BAIAP2L1: variants seen among roughly 807,000 people sequenced by gnomAD.
The protein encoded by BAIAP2L1 is BAR/IMD domain containing adaptor protein 2 like 1, also known as BAR/IMD domain-containing adapter protein 2-like 1.
BAIAP2L1 carries 35 observed loss-of-function variants against 66.3 expected under a neutral mutation model. That is an observed-to-expected ratio of 0.53 (90% CI 0.40 to 0.70). The LOEUF (loss-of-function observed/expected upper bound fraction) is 0.70, where lower values mean the gene tolerates loss of function less well. BAIAP2L1 is among the 30% of genes least tolerant of loss of function. The pLI is 0.00. For synonymous variants in BAIAP2L1, 269 were observed against 248.7 expected, an observed-to-expected ratio of 1.08 and a Z score of -0.77; for missense variants, 622 against 656.9, an observed-to-expected ratio of 0.95 and a Z score of 0.58.
chr7:98,309,483 CAAT>C (rs1800792978), intron 9 of BAIAP2L1: 1 of 152,028 alleles, frequency 6.6e-6, no homozygotes, highest in Admixed American at 6.6e-5. Flanking sequence ...CTGCTTTTAC[CAAT>C]AAGAACCAGA....
chr7:98,319,724 T>A (rs1584452522), intron 5 of BAIAP2L1, among the ~76,000 whole-genome samples: 1 of 152,014 alleles, frequency 6.6e-6, no homozygotes, highest in Non-Finnish European at 1.5e-5. Context: ...TTTTTTTTTG[T>A]ATTTTGAGTA....
rs71537235 is a variant in BAIAP2L1 at position 98,363,027 on chromosome 7, CTTT to C, written c.52-598_52-596del. On this transcript the variant is annotated intron_variant, in intron 1 of 13. Coordinates refer to ENST00000005260, the MANE Select transcript of BAIAP2L1 (RefSeq NM_018842.5). ...CTTCTGGATGTCCCTGGCATTTTTTCTTTTTTTTTTTTTTTTTTTTTTTTTGAG... is the reference window on the plus strand; with the variant it reads ...CTTCTGGATGTCCCTGGCATTTTTTCTTTTTTTTTTTTTTTTTTTTTTGAG... Among the ~76,000 whole-genome samples, 297 of 75,592 alleles carry C rather than the reference CTTT, an allele frequency of 3.9e-3. 1 individual carries two copies. Among genetic ancestry groups the C allele is most frequent in the African/African-American group, 7.8e-3 (173 of 22,044 alleles). 49.6% of individuals were successfully genotyped at this position (75,592 alleles called of 152,430 possible). A position where few individuals can be genotyped will look rare whatever the true frequency, so the allele number is the denominator to read the frequency against.
At chr7:98,373,271 T>C (rs1285455773) in intron 1 of BAIAP2L1, among the ~76,000 whole-genome samples, 1 of 152,104 alleles carries the variant, frequency 6.6e-6, no homozygotes, top group Non-Finnish European at 1.5e-5. Flanking sequence ...TACAGAAAAA[T>C]TAGACAACTG....
chr7:98,317,974 C>T (rs542889178), intron 5 of BAIAP2L1, among the ~76,000 whole-genome samples: 20 of 150,286 alleles, frequency 1.3e-4, no homozygotes, highest in Admixed American at 2.7e-4. Flanking sequence ...ACCATCCTTA[C>T]GCTGGCTGGG....
At chr7:98,385,842 T>C in intron 1 of BAIAP2L1, 1 of 1,522,936 alleles carries the variant, frequency 6.6e-7, no homozygotes, top group Non-Finnish European at 9.0e-7. Flanking sequence ...CTCGTTCAAC[T>C]TTAGCACCTG....
chr7:98,394,023 C>A (rs1803138145), intron 1 of BAIAP2L1, among the ~76,000 whole-genome samples: 1 of 152,028 alleles, frequency 6.6e-6, no homozygotes, highest in African/African-American at 2.4e-5. Context: ...GCAGGCAGAT[C>A]ATGAGGTCAG....
Position 98,317,359 on chromosome 7 carries a change from G to A in BAIAP2L1, c.349-3C>T. ...GTTTGGTATCTTTTTAGAGTTGCCT[G>A]TAAGTTAAATGGCTGTGCTTATTTT... is the stretch of plus-strand genomic sequence containing the variant. On this transcript the variant is annotated splice_polypyrimidine_tract_variant and splice_region_variant and intron_variant, in intron 5 of 13. Transcript: ENST00000005260. The A allele has an allele frequency of 1.2e-6, 2 of 1,613,268 alleles. No homozygotes were observed. The highest frequency in any genetic ancestry group is 8.5e-7 in the Non-Finnish European group (1 of 1,179,880).
chr7:98,354,960 T>G, intron 3 of BAIAP2L1, 82 bp downstream of exon 3: 2 of 1,022,106 alleles, frequency 2.0e-6, no homozygotes, highest in Non-Finnish European at 3.1e-6. Flanking sequence ...TCCTCTGTTC[T>G]GGACTGGGCC....
chr7:98,304,964 CA>C (rs1261708513), intron 11 of BAIAP2L1, among the ~76,000 whole-genome samples: 1 of 148,050 alleles, frequency 6.8e-6, no homozygotes, highest in Non-Finnish European at 1.5e-5. Context: ...CTCCCTGGTT[CA>C]AGTGATTCTC....
intron 3 of BAIAP2L1, 130 bp from the exon 4 acceptor site, chr7:98,320,428 C>T (rs1448567820): frequency 1.1e-5 from 7 of 653,944 alleles, no homozygotes; most frequent in South Asian, 2.0e-5. Flanking sequence ...CTCCGCCTCC[C>T]GGGTTCAAAC....
intron 3 of BAIAP2L1, among the ~76,000 whole-genome samples, chr7:98,339,063 ACT>A (rs1420456103): frequency 2.7e-5 from 4 of 145,894 alleles, no homozygotes; most frequent in African/African-American, 1.0e-4. Context: ...ACAGAGCAAG[ACT>A]CTGTCTTTAA....
At chr7:98,375,904 G>A (rs1357024641) in intron 1 of BAIAP2L1, among the ~76,000 whole-genome samples, 1 of 152,254 alleles carries the variant, frequency 6.6e-6, no homozygotes, top group East Asian at 1.9e-4. Flanking sequence ...CCCTGGGGGA[G>A]CCACTAATTC....
In BAIAP2L1 at chr7:98,307,699, C is replaced by G; in HGVS notation, c.1153G>C (p.Val385Leu). ...KDGWLYGEHD[V>L]SKARGWFPSS... ...CACGCCCAGACTTACGCCTTGGACA[C>G]GTCGTGTTCTCCATAGAGCCAGCCA... is the stretch of plus-strand genomic sequence containing the variant. The change falls in exon 10 of 14, where the codon GTG (valine) becomes CTG (leucine). Residue 385 changes from valine (V) to leucine (L), a missense_variant. Physicochemically the swap from Val to Leu is conservative, Grantham distance 32. Transcript: ENST00000005260. The G allele has an allele frequency of 6.2e-7, 1 of 1,614,014 alleles. No homozygotes were observed. Among genetic ancestry groups the G allele is most frequent in the Non-Finnish European group, 8.5e-7 (1 of 1,180,048 alleles).
intron 3 of BAIAP2L1, among the ~76,000 whole-genome samples, chr7:98,328,145 T>G (rs1801413539): frequency 6.6e-6 from 1 of 152,170 alleles, no homozygotes; most frequent in Non-Finnish European, 1.5e-5. Context: ...CAGAAGCGAC[T>G]GCTGACCTCT....
chr7:98,366,902 CTCTT>C (rs942023219), intron 1 of BAIAP2L1, among the ~76,000 whole-genome samples: 3 of 152,000 alleles, frequency 2.0e-5, no homozygotes, highest in East Asian at 1.9e-4. Context: ...CTTCCTTCTT[CTCTT>C]TCTGAGACAG....
Position 98,306,510 on chromosome 7 carries a change from A to T in BAIAP2L1, c.1170T>A (p.Gly390=). ...YGEHDVSKAR[G]WFPSSYTKLL... The stretch of plus-strand genomic sequence containing the variant: ...ACTTCGTGTACGACGACGGGAACCA[A>T]CCCCTCCTACCGGCAAAGAGGGAGA... Residue 390 remains glycine, a synonymous_variant, in exon 11 of 14, where the codon GGT becomes GGA. Transcript: ENST00000005260. The T allele has an allele frequency of 6.2e-7, 1 of 1,613,914 alleles. No individual in the cohort carries two copies. The highest frequency in any genetic ancestry group is 1.1e-5 in the South Asian group (1 of 91,068).
chr7:98,321,416 G>C (rs1801241772), intron 3 of BAIAP2L1, among the ~76,000 whole-genome samples: 1 of 152,196 alleles, frequency 6.6e-6, no homozygotes, highest in African/African-American at 2.4e-5. Context: ...CCCGCAGCAG[G>C]AAGAGTGCTC....
At chr7:98,391,703 C>T (rs1340119321) in intron 1 of BAIAP2L1, among the ~76,000 whole-genome samples, 28 of 119,736 alleles carry the variant, frequency 2.3e-4, no homozygotes, top group South Asian at 1.3e-3. Flanking sequence ...AGTGAGACTC[C>T]GTCTCAAAAA....
At chr7:98,293,710 C>T (rs1411180154) in intron 13 of BAIAP2L1, 114 bp from the exon 14 acceptor site, 6 of 969,772 alleles carry the variant, frequency 6.2e-6, no homozygotes, top group East Asian at 2.4e-5. Context: ...ACCACCTCCC[C>T]AGCTTGTACA....
Sources: allele counts gnomAD v4.1 joint callset (sites outside exome capture counted in the v4.1 genomes callset), GRCh38; gene constraint gnomAD v4.1.1; transcripts MANE v1.5; gene names NCBI Gene and HGNC (gene_info 2026-07-23, HGNC 2026-07-21).